The following COL6A5 variants were observed in gnomAD, a reference collection of about 807,000 sequenced individuals.
The protein encoded by COL6A5 is collagen type VI alpha 5 chain.
COL6A5 carries 48 observed loss-of-function variants against 65.6 expected under a neutral mutation model. The ratio of observed to expected loss-of-function variants is 0.73; its 90% CI spans 0.58 to 0.93. COL6A5 has a LOEUF of 0.93. Among genes scored for constraint, COL6A5 ranks in the 40% least tolerant of loss-of-function variants. COL6A5 has a pLI of 0.00. For missense variants in COL6A5, 914 were observed against 928.3 expected, an observed-to-expected ratio of 0.98 and a Z score of 0.20; for synonymous variants, 291 against 322.8, an observed-to-expected ratio of 0.90 and a Z score of 1.05.
intron 3 of COL6A5, among the ~76,000 whole-genome samples, 191 bp downstream of exon 3, chr3:130,377,027 GC>G (rs1443318778): frequency 4.6e-5 from 7 of 152,148 alleles, no homozygotes; most frequent in Non-Finnish European, 1.5e-5. Flanking sequence ...CTATCTTATT[GC>G]ACTCCTTTGC....
chr3:130,427,537 G>A (rs143845014), upstream of COL6A5, among the ~76,000 whole-genome samples: 224 of 152,196 alleles, frequency 1.5e-3, 1 homozygote, highest in Middle Eastern at 0.01. Flanking sequence ...GGTTGGAGAA[G>A]ATGATTAGTT....
At chr3:130,473,560 A>G (rs955385065) in intron 7 of COL6A5, among the ~76,000 whole-genome samples, 3 of 152,142 alleles carry the variant, frequency 2.0e-5, no homozygotes, top group Admixed American at 6.6e-5. Context: ...CAAAAGAGTC[A>G]GGGTCATGAT....
At chr3:130,354,780 C>T (rs971147913) in intron 1 of COL6A5, among the ~76,000 whole-genome samples, 6 of 152,114 alleles carry the variant, frequency 3.9e-5, no homozygotes, top group Admixed American at 1.3e-4. Context: ...GGCTAAGGAC[C>T]TGAATAATAT....
rs149610142 is a variant in COL6A5, at chr3:130,365,421, G to A, written c.-28-8190G>A. Among the ~76,000 whole-genome samples, 608 of 152,258 alleles carry A rather than the reference G, an allele frequency of 4.0e-3. 2 individuals are homozygous for A. The highest frequency in any genetic ancestry group is 0.013 in the African/African-American group (546 of 41,558). Reference sequence around the variant, plus strand: ...GCCTCCCGAGTAGCTGGGACTACAGGCGCCCGCTACTACGCCCGGCTAATT... The same window carrying A: ...GCCTCCCGAGTAGCTGGGACTACAGACGCCCGCTACTACGCCCGGCTAATT... On this transcript the variant is annotated intron_variant and NMD_transcript_variant, in intron 1 of 41. Transcript: ENST00000312481.
At chr3:130,358,708 A>G (rs975291163) in intron 1 of COL6A5, among the ~76,000 whole-genome samples, 14 of 152,168 alleles carry the variant, frequency 9.2e-5, no homozygotes, top group Non-Finnish European at 2.1e-4. Context: ...TGGGGAAATA[A>G]GGACTTCCAT....
exon 16 of COL6A5, chr3:130,406,154 T>C (rs1278340312): frequency 1.3e-6 from 2 of 1,550,220 alleles, no homozygotes; most frequent in African/African-American, 2.7e-5. Context: ...ACGATGGGAT[T>C]GATGGACTTG....
At chr3:130,402,571 A>G (rs1577472710) in intron 12 of COL6A5, among the ~76,000 whole-genome samples, 1 of 152,174 alleles carries the variant, frequency 6.6e-6, no homozygotes, top group Admixed American at 6.5e-5. Context: ...TATAGTATCT[A>G]GGGAGGAATA....
intron 7 of COL6A5, among the ~76,000 whole-genome samples, chr3:130,481,182 G>T (rs1003952815): frequency 2.6e-5 from 4 of 151,848 alleles, no homozygotes; most frequent in African/African-American, 9.7e-5. Flanking sequence ...TTCTCCTAAT[G>T]CTATCACTCC....
chr3:130,421,002 A>G (rs1485055498), intron 25 of COL6A5, 151 bp from the exon 26 acceptor site: 2 of 660,908 alleles, frequency 3.0e-6, no homozygotes, highest in South Asian at 1.9e-5. Flanking sequence ...AAACACAGCA[A>G]CACAATGTTC....
chr3:130,394,809 TA>T, intron 7 of COL6A5, 80 bp from the exon 8 acceptor site: 1 of 969,198 alleles, frequency 1.0e-6, no homozygotes, highest in Non-Finnish European at 1.5e-6. Context: ...AAGTATTTAG[TA>T]AAGCAATTTA....
chr3:130,393,582 A>G (rs146529509), intron 7 of COL6A5, among the ~76,000 whole-genome samples: 31 of 152,262 alleles, frequency 2.0e-4, no homozygotes, highest in African/African-American at 7.0e-4. Flanking sequence ...CTCATTTCCT[A>G]TGCCTACATT....
At position 130,431,798 on chromosome 3, in the gene COL6A5, G is replaced by C. The variant is rs1937825173; in HGVS notation, c.338G>C (p.Gly113Ala). The change falls in exon 1 of 8, where the codon GGA becomes GCA. Residue 113 changes from glycine (G) to alanine (A), a missense_variant. Physicochemically the swap from Gly to Ala is moderately conservative, Grantham distance 60. Transcript: ENST00000512836. ...AACGTGTTCAAGCGGACGTATGCAG[G>C]AGCCAACGTGAGGAGAGTTGCTGTG... 1 of 1,551,600 alleles carries C rather than the reference G, an allele frequency of 6.4e-7. No homozygotes were observed. Among genetic ancestry groups the C allele is most frequent in the African/African-American group, 1.4e-5 (1 of 73,158 alleles).
chr3:130,473,152 G>A (rs1319378151), intron 7 of COL6A5, among the ~76,000 whole-genome samples: 1 of 151,800 alleles, frequency 6.6e-6, no homozygotes, highest in East Asian at 1.9e-4. Flanking sequence ...AATGGAATAG[G>A]CCCATGTCAC....
chr3:130,431,335 C>T (rs1248655694), upstream of COL6A5: 1 of 995,414 alleles, frequency 1.0e-6, no homozygotes, highest in South Asian at 1.4e-5. Flanking sequence ...CACATGGGTA[C>T]CTTTAGTTCT....
intron 4 of COL6A5, among the ~76,000 whole-genome samples, chr3:130,453,360 G>C (rs1475389548): frequency 6.6e-6 from 1 of 152,134 alleles, no homozygotes; most frequent in East Asian, 1.9e-4. Flanking sequence ...TTCTGACATG[G>C]CTTCAGCGGG....
At chr3:130,428,827 G>T (rs1365411337), upstream of COL6A5, among the ~76,000 whole-genome samples, 1 of 152,160 alleles carries the variant, frequency 6.6e-6, no homozygotes, top group African/African-American at 2.4e-5. Context: ...GACCACTGTT[G>T]CACGACAGCA....
rs757909808 is a variant in COL6A5 at position 130,468,908 on chromosome 3, GT to G, written c.1659del (p.Val554GlufsTer9). 1 of 1,612,382 alleles carries G rather than the reference GT, an allele frequency of 6.2e-7. No individual in the cohort carries two copies. The highest frequency in any genetic ancestry group is 8.5e-7 in the Non-Finnish European group (1 of 1,179,136). On this transcript the variant is annotated frameshift_variant, in exon 6 of 8. Transcript: ENST00000512836. LOFTEE classifies it high-confidence loss of function. The stretch of plus-strand genomic sequence containing the variant: ...TTTCCTCATAGATGCTTCCCAAAGA[GT>G]AGGAAGTGATGAGTTTAAGGAAGTA...
intron 8 of COL6A5, among the ~76,000 whole-genome samples, chr3:130,395,796 C>T (rs1020161560): frequency 3.3e-5 from 5 of 152,132 alleles, no homozygotes; most frequent in Non-Finnish European, 5.9e-5. Flanking sequence ...CTAGTAAATG[C>T]CCTGCATCCA....
chr3:130,387,475 A>G (rs1418187016), intron 5 of COL6A5, among the ~76,000 whole-genome samples: 1 of 152,122 alleles, frequency 6.6e-6, no homozygotes, highest in East Asian at 1.9e-4. Context: ...ACTTCACTAC[A>G]GTGGTCAAGG....
Sources: gnomAD v4.1 joint callset for allele counts (sites outside exome capture counted in the v4.1 genomes callset) on GRCh38, gnomAD v4.1.1 for gene constraint, MANE v1.5 for transcripts, NCBI Gene and HGNC (gene_info 2026-07-23, HGNC 2026-07-21) for gene names.